Variants in TENM2 observed in about 807,000 individuals in gnomAD.
TENM2 encodes teneurin transmembrane protein 2, also known as teneurin-2.
Under a neutral mutation model 245.2 loss-of-function variants are expected in TENM2, and 52 were observed. The ratio of observed to expected loss-of-function variants is 0.21; its 90% confidence interval spans 0.17 to 0.27. The LOEUF (loss-of-function observed/expected upper bound fraction) is 0.27, where lower values mean the gene tolerates loss of function less well. TENM2 is among the 10% of genes least tolerant of loss of function. The pLI, the probability that TENM2 is intolerant of heterozygous loss-of-function variation, is 1.00. For missense variants in TENM2, 3,046 were observed against 3,666.8 expected (o/e 0.83, Z 4.37); for synonymous variants, 1,363 against 1,438.9 (o/e 0.95, Z 1.19).
At chr5:168,123,189 G>T (rs1304123368) in intron 10 of TENM2, among the ~76,000 whole-genome samples, 1 of 151,738 alleles carries the variant, frequency 6.6e-6, no homozygotes, top group Non-Finnish European at 1.5e-5. Flanking sequence ...GTCCTAACTA[G>T]TTGGCAGACT....
chr5:167,375,312 A>G (rs1157616346), exon 2 of TENM2: 4 of 1,551,660 alleles, frequency 2.6e-6, no homozygotes, highest in Non-Finnish European at 2.6e-6. Context: ...ACAGGGTCTG[A>G]CGCCGACTCC....
intron 2 of TENM2, among the ~76,000 whole-genome samples, chr5:167,775,051 C>A (rs888642590): frequency 6.6e-6 from 1 of 152,098 alleles, no homozygotes; most frequent in Non-Finnish European, 1.5e-5. Context: ...CTCACCGCAA[C>A]CTCCACCTCC....
intron 2 of TENM2, among the ~76,000 whole-genome samples, chr5:167,820,296 G>C (rs566671439): frequency 6.6e-6 from 1 of 152,320 alleles, no homozygotes; most frequent in South Asian, 2.1e-4. Context: ...AGGATTCTTA[G>C]TAATCAGGAT....
the TENM2 span, among the ~76,000 whole-genome samples, chr5:167,014,209 G>A: frequency 1.6e-5 from 2 of 126,530 alleles, no homozygotes; most frequent in Non-Finnish European, 3.2e-5. Flanking sequence ...TAGACCTAAA[G>A]TTTCATAGTG....
intron 2 of TENM2, among the ~76,000 whole-genome samples, chr5:167,826,856 GGC>G (rs1476603782): frequency 3.3e-5 from 5 of 152,228 alleles, no homozygotes; most frequent in African/African-American, 1.2e-4. Flanking sequence ...TTCAGAACCT[GGC>G]ACGTGCAATG....
chr5:167,103,887 C>T, the TENM2 span, among the ~76,000 whole-genome samples: 2 of 151,968 alleles, frequency 1.3e-5, no homozygotes, highest in Non-Finnish European at 2.9e-5. Context: ...TGTGTGTACA[C>T]ACACACACGC....
intron 2 of TENM2, among the ~76,000 whole-genome samples, chr5:167,837,610 T>C (rs369822547): frequency 6.6e-6 from 1 of 152,230 alleles, no homozygotes; most frequent in East Asian, 1.9e-4. Context: ...GAATGGCATG[T>C]TCACCCCACC....
At chr5:167,194,959 T>G in the TENM2 span, among the ~76,000 whole-genome samples, 1 of 152,152 alleles carries the variant, frequency 6.6e-6, no homozygotes, top group Admixed American at 6.6e-5. Flanking sequence ...TCTTAACTAC[T>G]ACGCTATATC....
At chr5:167,259,102 A>C in the TENM2 span, among the ~76,000 whole-genome samples, 1 of 152,212 alleles carries the variant, frequency 6.6e-6, no homozygotes. Flanking sequence ...ACAAATGCAC[A>C]GGTAATGCTG....
chr5:167,505,138 T>C (rs1284681979), intron 2 of TENM2, among the ~76,000 whole-genome samples: 6 of 152,174 alleles, frequency 3.9e-5, no homozygotes, highest in Admixed American at 3.3e-4. Flanking sequence ...ACCATTGTAT[T>C]TGATATTCAA....
Position 168,214,736 on chromosome 5 carries a change from C to A in TENM2, c.3846-304C>A, listed in dbSNP as rs1763043253. ...ATGGACTGTAGATGGTCTTGAATAA[C>A]TATCCTGCTTACAAAAACAGGATCG... On this transcript the variant is annotated intron_variant, in intron 20 of 28. Transcript: ENST00000518659. 3 of 490,790 alleles carry A rather than the reference C, an allele frequency of 6.1e-6. No homozygotes were observed. The Admixed American group carries it at 6.9e-5, about 11-fold the overall frequency. The allele number at this position is 490,790 out of a possible 1,614,324, so 30.4% of individuals were successfully genotyped here. A position where few individuals can be genotyped will look rare whatever the true frequency, so the allele number is the denominator to read the frequency against.
intron 2 of TENM2, among the ~76,000 whole-genome samples, chr5:167,657,519 C>T (rs1483488039): frequency 1.3e-5 from 2 of 152,170 alleles, no homozygotes; most frequent in Non-Finnish European, 2.9e-5. Context: ...ATTGCTGGAT[C>T]ATATGGTAGT....
intron 3 of TENM2, among the ~76,000 whole-genome samples, chr5:167,904,685 T>C (rs1775955241): frequency 1.3e-5 from 2 of 152,188 alleles, no homozygotes; most frequent in South Asian, 2.1e-4. Context: ...TGTGTCTGTC[T>C]TGTATTCAGA....
intron 1 of TENM2, among the ~76,000 whole-genome samples, chr5:167,342,874 T>TGAA (rs1758208429): frequency 1.4e-5 from 2 of 142,066 alleles, no homozygotes; most frequent in Non-Finnish European, 3.1e-5. Flanking sequence ...TTTTTTTTTT[T>TGAA]GAAGAAAGTC....
Position 168,236,504 on chromosome 5 carries a change from C to T in TENM2, c.5521-7916C>T, listed in dbSNP as rs755804984. 3.3e-5 allele frequency among the ~76,000 whole-genome samples: 5 copies of T among 152,322 alleles called. No individual in the cohort carries two copies. In the South Asian group the frequency reaches 1.0e-3, roughly 32 times the overall value. On this transcript the variant is annotated intron_variant, in intron 25 of 28. Transcript: ENST00000518659. ...CCCACCCTCACCTGTCCAAGCCTTA[C>T]TCATACCCAGGCCCCCACTGAGCAG...
At chr5:167,964,059 C>T (rs964107816) in intron 4 of TENM2, among the ~76,000 whole-genome samples, 1 of 152,090 alleles carries the variant, frequency 6.6e-6, no homozygotes, top group Non-Finnish European at 1.5e-5. Flanking sequence ...TTACAGAATC[C>T]CTCTACCCTC....
At chr5:167,660,412 C>G (rs1755127000) in intron 2 of TENM2, 1 of 143,440 alleles carries the variant, frequency 7.0e-6, no homozygotes. Flanking sequence ...TTGCAGTGAG[C>G]CGAGATTGTG....
chr5:168,172,318 A>G (rs531641748), intron 13 of TENM2, among the ~76,000 whole-genome samples: 2 of 152,344 alleles, frequency 1.3e-5, no homozygotes, highest in African/African-American at 4.8e-5. Flanking sequence ...GGCAGTGTCC[A>G]TGGGCCTGAT....
the TENM2 span, among the ~76,000 whole-genome samples, chr5:167,253,254 C>CTTT: frequency 2.0e-3 from 269 of 137,244 alleles, 2 homozygotes; most frequent in African/African-American, 7.0e-3. Context: ...ACAGGCCTGG[C>CTTT]TTTTTTTTTT....
Sources: allele counts gnomAD v4.1 joint callset (sites outside exome capture counted in the v4.1 genomes callset), GRCh38; gene constraint gnomAD v4.1.1; transcripts MANE v1.5; gene names NCBI Gene and HGNC (gene_info 2026-07-23, HGNC 2026-07-21).